MAML2: variants seen among roughly 807,000 people sequenced by gnomAD.
The protein encoded by MAML2 is mastermind like transcriptional coactivator 2, also known as mastermind-like protein 2.
In MAML2, 22 loss-of-function variants were observed where a neutral mutation model predicts 96.1. The observed-to-expected ratio is 0.23, with a 90% CI of 0.16 to 0.33. The LOEUF (loss-of-function observed/expected upper bound fraction) is 0.33. Ranked by LOEUF, MAML2 falls within the 10% of genes least tolerant of loss-of-function variation. The pLI is 1.00. For synonymous variants in MAML2, 561 were observed against 521.3 expected, an observed-to-expected ratio of 1.08 and a Z score of -1.04; for missense variants, 1,367 against 1,392.4, an observed-to-expected ratio of 0.98 and a Z score of 0.29.
chr11:96,318,212 G>A (rs921209090), intron 1 of MAML2, among the ~76,000 whole-genome samples: 2 of 152,158 alleles, frequency 1.3e-5, no homozygotes, highest in African/African-American at 2.4e-5. Flanking sequence ...GTCATTTGTT[G>A]GTTACATCTC....
At chr11:96,320,794 T>C (rs939314372) in intron 1 of MAML2, among the ~76,000 whole-genome samples, 3 of 152,276 alleles carry the variant, frequency 2.0e-5, no homozygotes, top group African/African-American at 7.2e-5. Context: ...TCTTTGAAAG[T>C]ACTTGAAATG....
At chr11:96,148,657 A>AAC (rs1860861256) in intron 1 of MAML2, among the ~76,000 whole-genome samples, 1 of 61,174 alleles carries the variant, frequency 1.6e-5, no homozygotes, top group Non-Finnish European at 3.4e-5. Context: ...AATTCTGAAA[A>AAC]ATACACACAC....
At chr11:96,270,392 C>A (rs1290854658) in intron 1 of MAML2, among the ~76,000 whole-genome samples, 1 of 152,144 alleles carries the variant, frequency 6.6e-6, no homozygotes, top group Non-Finnish European at 1.5e-5. Flanking sequence ...TCACTGCAAC[C>A]TTTGCCTCCC....
intron 1 of MAML2, among the ~76,000 whole-genome samples, chr11:96,182,449 T>G (rs12272561): frequency 0.019 from 2,851 of 152,200 alleles, 81 homozygotes; most frequent in African/African-American, 0.065. Context: ...CTCATCTGAT[T>G]GACATGATTT....
At chr11:96,194,714 A>G (rs1591066061) in intron 1 of MAML2, among the ~76,000 whole-genome samples, 1 of 152,102 alleles carries the variant, frequency 6.6e-6, no homozygotes, top group East Asian at 1.9e-4. Flanking sequence ...TTCCTTGGGG[A>G]AAAATGTTGC....
At chr11:96,210,372 G>A (rs953939775) in intron 1 of MAML2, among the ~76,000 whole-genome samples, 1 of 152,182 alleles carries the variant, frequency 6.6e-6, no homozygotes, top group African/African-American at 2.4e-5. Flanking sequence ...GCCTCCCAAA[G>A]TGCTGGGATT....
intron 1 of MAML2, among the ~76,000 whole-genome samples, chr11:96,338,410 G>T (rs1863946575): frequency 6.6e-6 from 1 of 152,250 alleles, no homozygotes; most frequent in African/African-American, 2.4e-5. Flanking sequence ...GTAGAATTAG[G>T]CTGTCAATGT....
intron 1 of MAML2, among the ~76,000 whole-genome samples, chr11:96,325,953 CAG>C (rs1458194249): frequency 1.3e-5 from 2 of 152,190 alleles, no homozygotes; most frequent in Admixed American, 1.3e-4. Context: ...TCACCTTCCA[CAG>C]AGTTTCCCAG....
intron 2 of MAML2, among the ~76,000 whole-genome samples, chr11:96,087,685 T>C (rs1405181074): frequency 6.6e-6 from 1 of 152,238 alleles, no homozygotes; most frequent in Non-Finnish European, 1.5e-5. Context: ...TCAGCTTTTT[T>C]AGGACTTTGG....
intron 1 of MAML2, among the ~76,000 whole-genome samples, chr11:96,246,377 AGGGATTTCATGTTC>A (rs1192497526): frequency 1.3e-5 from 2 of 152,092 alleles, no homozygotes; most frequent in African/African-American, 2.4e-5. Context: ...AAGTTCTGAA[AGGGATTTCATGTTC>A]GGGGACATGG....
chr11:96,097,264 C>T (rs1859846431), intron 1 of MAML2, among the ~76,000 whole-genome samples: 1 of 152,134 alleles, frequency 6.6e-6, no homozygotes. Flanking sequence ...AAATTCAAAG[C>T]CAACTTACCA....
At chr11:96,125,430 T>C (rs1247322331) in intron 1 of MAML2, among the ~76,000 whole-genome samples, 1 of 152,142 alleles carries the variant, frequency 6.6e-6, no homozygotes, top group Admixed American at 6.5e-5. Flanking sequence ...AGTGGGTGGC[T>C]ACCGCTGGAA....
intron 1 of MAML2, among the ~76,000 whole-genome samples, chr11:96,298,160 C>A (rs1202857068): frequency 6.6e-6 from 1 of 152,194 alleles, no homozygotes; most frequent in African/African-American, 2.4e-5. Context: ...TTGAAAGCAG[C>A]ATAGCTTTTC....
intron 1 of MAML2, among the ~76,000 whole-genome samples, chr11:96,214,071 G>GTATA (rs1487047847): frequency 6.6e-6 from 1 of 152,086 alleles, no homozygotes; most frequent in Non-Finnish European, 1.5e-5. Flanking sequence ...TATTTTGTAT[G>GTATA]TATATATACA....
intron 1 of MAML2, among the ~76,000 whole-genome samples, chr11:96,251,832 C>T (rs1591096712): frequency 1.3e-5 from 2 of 151,582 alleles, no homozygotes; most frequent in Admixed American, 1.3e-4. Flanking sequence ...CCCAGGTTCA[C>T]GCCATTCTCC....
rs77493887 is a variant in MAML2 at position 96,032,247 on chromosome 11, A to G, written c.2140-40524T>C. On this transcript the variant is annotated intron_variant, in intron 2 of 4. Coordinates refer to ENST00000524717, the MANE Select transcript of MAML2 (RefSeq NM_032427.4). The stretch of plus-strand genomic sequence containing the variant: ...TTATAAAGTTAAATATACACTTACC[A>G]TATGACCGAAGAATCCCACTCCTAG... Among the ~76,000 whole-genome samples, 287 of 152,242 alleles carry G rather than the reference A, an allele frequency of 1.9e-3. 6 individuals carry two copies. The East Asian group carries it at 0.04, about 21-fold the overall frequency.
chr11:96,293,643 C>A (rs1863246854), intron 1 of MAML2, among the ~76,000 whole-genome samples: 1 of 152,136 alleles, frequency 6.6e-6, no homozygotes, highest in African/African-American at 2.4e-5. Context: ...TCAAAAATGT[C>A]AGGCTGAAAA....
At chr11:96,267,745 C>G (rs1446907934) in intron 1 of MAML2, among the ~76,000 whole-genome samples, 1 of 152,214 alleles carries the variant, frequency 6.6e-6, no homozygotes, top group Admixed American at 6.5e-5. Context: ...AGTCACACTT[C>G]AGGCTGAGAC....
At position 96,342,549 on chromosome 11, in the gene MAML2, A is replaced by T. The variant is rs2035721342; in HGVS notation, c.-654T>A. The T allele has an allele frequency of 2.5e-6, 1 of 397,196 alleles. No homozygotes were observed. The highest frequency in any genetic ancestry group is 4.4e-6 in the Non-Finnish European group (1 of 225,568). The allele number at this position is 397,196 out of a possible 1,614,324, so 24.6% of individuals were successfully genotyped here. A position where few individuals can be genotyped will look rare whatever the true frequency, so the allele number is the denominator to read the frequency against. On this transcript the variant is annotated 5_prime_UTR_variant, in exon 1 of 5. Transcript: ENST00000524717. ...AAGGGAGACTGTCTTTTGGCTTTTA[A>T]TTTTTCCTCCCTTTCCTTTCGCTCC... is the stretch of plus-strand genomic sequence containing the variant.
Sources: allele counts gnomAD v4.1 joint callset (sites outside exome capture counted in the v4.1 genomes callset), GRCh38; gene constraint gnomAD v4.1.1; transcripts MANE v1.5; gene names NCBI Gene and HGNC (gene_info 2026-07-23, HGNC 2026-07-21).